Variants in TNS3 observed in about 807,000 individuals in gnomAD.
The protein encoded by TNS3 is tensin-3.
TNS3 carries 45 observed loss-of-function variants against 140.9 expected under a neutral mutation model. The observed-to-expected ratio is 0.32, with a 90% CI of 0.25 to 0.41. The LOEUF is 0.41. TNS3 is among the 10% of genes least tolerant of loss of function. The pLI, the probability that TNS3 is intolerant of heterozygous loss-of-function variation, is 1.00. For synonymous variants in TNS3, 815 were observed against 788.4 expected, an observed-to-expected ratio of 1.03 and a Z score of -0.56; for missense variants, 1,716 against 1,906.7, an observed-to-expected ratio of 0.90 and a Z score of 1.86.
At chr7:47,562,647 A>C (rs1157599024) in intron 1 of TNS3, among the ~76,000 whole-genome samples, 2 of 152,108 alleles carry the variant, frequency 1.3e-5, no homozygotes, top group African/African-American at 4.8e-5. Context: ...GGTCTCCCAA[A>C]GTGCTGGGAT....
At chr7:47,577,639 C>G (rs989149416) in intron 1 of TNS3, among the ~76,000 whole-genome samples, 1 of 152,230 alleles carries the variant, frequency 6.6e-6, no homozygotes, top group Non-Finnish European at 1.5e-5. Context: ...TCTCAGCGCT[C>G]TCTTCCAGAA....
At position 47,370,393 on chromosome 7, in the gene TNS3, T is replaced by C. The variant is rs146208261; in HGVS notation, c.1025-772A>G. On this transcript the variant is annotated intron_variant, in intron 16 of 30. Coordinates refer to ENST00000311160, the MANE Select transcript of TNS3 (RefSeq NM_022748.12). ...GTCTTCCTGTTTGGCACAGCAACTT[T>C]GGGCCACGTAGGTGCCGGGTGAATG... is the stretch of plus-strand genomic sequence containing the variant. Among the ~76,000 whole-genome samples, 601 of 152,362 alleles carry C rather than the reference T, an allele frequency of 3.9e-3. 7 individuals carry two copies. Among genetic ancestry groups the C allele is most frequent in the African/African-American group, 0.013 (554 of 41,580 alleles).
rs192683362 is a variant in TNS3 at position 47,466,425 on chromosome 7, C to T, written c.-76+14678G>A. 2.9e-3 allele frequency among the ~76,000 whole-genome samples: 435 copies of T among 152,340 alleles called. 1 individual carries two copies. Among genetic ancestry groups the T allele is most frequent in the Middle Eastern group, 0.02 (6 of 294 alleles). ...CCTCCCAAAGTGCTGGGATTACAGG[C>T]GTGAGCCACAGCACCCGACCCAGTT... On this transcript the variant is annotated intron_variant, in intron 4 of 30. Coordinates refer to ENST00000311160, the MANE Select transcript of TNS3 (RefSeq NM_022748.12).
intron 1 of TNS3, among the ~76,000 whole-genome samples, chr7:47,551,396 C>A (rs893955974): frequency 6.6e-6 from 1 of 152,174 alleles, no homozygotes; most frequent in Non-Finnish European, 1.5e-5. Flanking sequence ...AATGGGGAGA[C>A]CACGGAGGAG....
In TNS3 at chr7:47,439,475, C is replaced by T. The variant is rs1429735244; in HGVS notation, c.150+12G>A. On this transcript the variant is annotated intron_variant, in intron 6 of 30. Transcript: ENST00000311160. Reference sequence around the variant, plus strand: ...GCCTGCCCAAAGGCTCCCAGAGCCGCCCACCGCTCACCAGGTAGTTGTCCC... The same window carrying T: ...GCCTGCCCAAAGGCTCCCAGAGCCGTCCACCGCTCACCAGGTAGTTGTCCC... 5 of 1,612,930 alleles carry T rather than the reference C, an allele frequency of 3.1e-6. No individual in the cohort carries two copies. In the Admixed American group the frequency reaches 8.3e-5, roughly 27 times the overall value.
intron 10 of TNS3, among the ~76,000 whole-genome samples, chr7:47,420,718 T>C (rs1244488606): frequency 1.3e-5 from 2 of 152,228 alleles, no homozygotes; most frequent in African/African-American, 4.8e-5. Flanking sequence ...CTTTCCTTTC[T>C]TTCTTGTTCT....
intron 27 of TNS3, among the ~76,000 whole-genome samples, chr7:47,289,127 T>C (rs1434186882): frequency 6.6e-6 from 1 of 152,242 alleles, no homozygotes; most frequent in Non-Finnish European, 1.5e-5. Flanking sequence ...CAGTGATGTA[T>C]AATTTTACAG....
chr7:47,337,441 T>C (rs1225067924), intron 20 of TNS3, among the ~76,000 whole-genome samples: 1 of 152,218 alleles, frequency 6.6e-6, no homozygotes, highest in Non-Finnish European at 1.5e-5. Context: ...TTATACTAAC[T>C]GCATACTAAT....
chr7:47,551,604 A>C (rs539626533), intron 1 of TNS3, among the ~76,000 whole-genome samples: 3 of 152,382 alleles, frequency 2.0e-5, no homozygotes, highest in African/African-American at 7.2e-5. Context: ...GTCATTGGAC[A>C]GTCTACAATG....
intron 8 of TNS3, among the ~76,000 whole-genome samples, chr7:47,433,158 G>T (rs1435210294): frequency 6.6e-6 from 1 of 152,224 alleles, no homozygotes; most frequent in Non-Finnish European, 1.5e-5. Flanking sequence ...TGCCCAGGCT[G>T]AGACAGGCCC....
At chr7:47,363,000 CAGT>C (rs1562638618) in intron 17 of TNS3, among the ~76,000 whole-genome samples, 4 of 7,220 alleles carry the variant, frequency 5.5e-4, no homozygotes, top group Non-Finnish European at 1.0e-3. Flanking sequence ...AACATCATCA[CAGT>C]CATCACCATC....
chr7:47,572,764 T>A (rs759000241), intron 1 of TNS3, among the ~76,000 whole-genome samples: 1 of 151,514 alleles, frequency 6.6e-6, no homozygotes, highest in Admixed American at 6.6e-5. Flanking sequence ...TAGTCCCAGC[T>A]ATGGAGGCTG....
At chr7:47,561,608 TGCAGGTATCA>T (rs911689437) in intron 1 of TNS3, among the ~76,000 whole-genome samples, 5 of 152,204 alleles carry the variant, frequency 3.3e-5, no homozygotes, top group Non-Finnish European at 7.4e-5. Flanking sequence ...TTAGGTGGGT[TGCAGGTATCA>T]GCAAGGGGCC....
intron 16 of TNS3, among the ~76,000 whole-genome samples, chr7:47,390,060 A>C (rs6957114): frequency 0.96 from 145,709 of 152,306 alleles, 69,866 homozygotes; most frequent in East Asian, 1. Context: ...CCATGCAAAG[A>C]GCCCTGGAGC....
In TNS3 at chr7:47,401,058, A is replaced by G. The variant is rs1263091861; in HGVS notation, c.724-144T>C. On this transcript the variant is annotated intron_variant, in intron 13 of 30. Coordinates refer to ENST00000311160, the MANE Select transcript of TNS3 (RefSeq NM_022748.12). ...AGTTCACGCTTTGGAGTGGAACTTC[A>G]GCCCTGGGGCACAGGCGCCTGCAGA... 16 of 1,258,876 alleles carry G rather than the reference A, an allele frequency of 1.3e-5. No homozygotes were observed. In the East Asian group the frequency reaches 4.0e-4, roughly 31 times the overall value. 78.0% of individuals were successfully genotyped at this position (1,258,876 alleles called of 1,614,324 possible).
chr7:47,278,497 A>G (rs1784975609), intron 30 of TNS3: 1 of 376,058 alleles, frequency 2.7e-6, no homozygotes, highest in African/African-American at 2.1e-5. Flanking sequence ...CCTGAATCAA[A>G]GCTGAGGCTC....
Position 47,283,699 on chromosome 7 carries a change from C to T in TNS3, c.4095G>A (p.Arg1365=), listed in dbSNP as rs1785263887. The T allele has an allele frequency of 6.4e-7, 1 of 1,568,168 alleles. No individual in the cohort carries two copies. ...AQGITLTDNQ[R]KLFFRRHYPV... ...CCTGCCTCCCTCTAGGCACTCACTT[C>T]CTCTGATTGTCTGTCAGGGTGATGC... is the stretch of plus-strand genomic sequence containing the variant. The change falls in exon 28 of 31, where the codon AGG becomes AGA. Residue 1365 remains arginine (R), a splice_region_variant and synonymous_variant. Coordinates refer to ENST00000311160, the MANE Select transcript of TNS3 (RefSeq NM_022748.12).
intron 15 of TNS3, among the ~76,000 whole-genome samples, chr7:47,397,106 G>T (rs750222699): frequency 6.6e-6 from 1 of 151,906 alleles, no homozygotes; most frequent in Non-Finnish European, 1.5e-5. Context: ...TTAAAGCCAC[G>T]AGGGGGAAGG....
chr7:47,481,208 G>A lies in TNS3; in HGVS notation c.-114-67C>T, dbSNP rs577653829. The A allele has an allele frequency of 1.9e-5, 23 of 1,215,858 alleles. No individual in the cohort carries two copies. In the African/African-American group the frequency reaches 3.4e-4, roughly 18 times the overall value. The allele number at this position is 1,215,858 out of a possible 1,614,324, so 75.3% of individuals were successfully genotyped here. Reference sequence around the variant, plus strand: ...AGGAAAAAATTAGCATAATAATCAAGCCAGGCTCCCAAAGACTGAATGAAA... The same window carrying A: ...AGGAAAAAATTAGCATAATAATCAAACCAGGCTCCCAAAGACTGAATGAAA... On this transcript the variant is annotated intron_variant, in intron 3 of 30. Transcript: ENST00000311160.
Sources: allele counts gnomAD v4.1 joint callset (sites outside exome capture counted in the v4.1 genomes callset), GRCh38; gene constraint gnomAD v4.1.1; transcripts MANE v1.5; gene names NCBI Gene and HGNC (gene_info 2026-07-23, HGNC 2026-07-21).